PLEKHG2: variants seen among roughly 807,000 people sequenced by gnomAD.
PLEKHG2 encodes the protein pleckstrin homology and RhoGEF domain containing G2.
A neutral mutation model predicts 104.4 loss-of-function variants in PLEKHG2; 71 were observed. That is an observed-to-expected ratio of 0.68 (90% confidence interval 0.56 to 0.83). The LOEUF (loss-of-function observed/expected upper bound fraction) is 0.83, where lower values mean the gene tolerates loss of function less well. Ranked by LOEUF, PLEKHG2 falls within the 40% of genes least tolerant of loss-of-function variation. The probability of loss-of-function intolerance (pLI) is 0.00; values close to 1 mark genes in which losing one functional copy is unlikely to be tolerated. For synonymous variants in PLEKHG2, 728 were observed against 737.0 expected, an observed-to-expected ratio of 0.99 and a Z score of 0.20; for missense variants, 1,730 against 1,809.4, an observed-to-expected ratio of 0.96 and a Z score of 0.80.
Position 39,417,600 on chromosome 19 carries a change from G to A in PLEKHG2, c.790G>A (p.Glu264Lys), listed in dbSNP as rs764543187. 7.4e-6 allele frequency: 12 copies of A among 1,614,146 alleles called. No homozygotes were observed. The highest frequency in any genetic ancestry group is 2.7e-5 in the African/African-American group (2 of 75,040). Reference protein sequence around the residue: ...WAEGPGTGGREMVEEAIVSMT... With the variant: ...WAEGPGTGGRKMVEEAIVSMT... ...GGAGGGCCCAGGCACTGGGGGTCGC[G>A]AGATGGTGGAGGAAGCTATTGTGTC... The change falls in exon 8 of 19, where the codon GAG becomes AAG. Residue 264 changes from glutamate (E) to lysine (K), a missense_variant. Physicochemically the swap from Glu to Lys is moderately conservative, Grantham distance 56. Transcript: ENST00000425673.
rs1423330431 is a variant in PLEKHG2 at position 39,424,455 on chromosome 19, G to A, written c.3322G>A (p.Gly1108Ser). Reference protein sequence around the residue: ...PCHLPDLQIPGTSPLPAHGSH... With the variant: ...PCHLPDLQIPSTSPLPAHGSH... ...TCACCTCCCAGACCTTCAGATTCCA[G>A]GTACCTCACCTTTGCCTGCACATGG... The change falls in exon 19 of 19, where the codon GGT (glycine) becomes AGT (serine). Residue 1108 changes from glycine (G) to serine (S), a missense_variant. Gly to Ser is a moderately conservative substitution (Grantham distance 56, BLOSUM62 0). Coordinates refer to ENST00000425673, the MANE Select transcript of PLEKHG2 (RefSeq NM_022835.3). The A allele has an allele frequency of 6.2e-7, 1 of 1,614,040 alleles. No homozygotes were observed. Among genetic ancestry groups the A allele is most frequent in the Non-Finnish European group, 8.5e-7 (1 of 1,180,018 alleles).
chr19:39,420,791 C>A lies in PLEKHG2; in HGVS notation c.1338C>A (p.Pro446=). Reference sequence around the variant, plus strand: ...AGCCTGTCCTAGAGCCCCTGACACCCCCACTTGGGTCTCCTCGACCTCGAG... The same window carrying A: ...AGCCTGTCCTAGAGCCCCTGACACCACCACTTGGGTCTCCTCGACCTCGAG... ...KSKPVLEPLT[P]PLGSPRPRDA... Residue 446 remains proline (P), a synonymous_variant, in exon 13 of 19, where the codon CCC becomes CCA. Coordinates refer to ENST00000425673, the MANE Select transcript of PLEKHG2 (RefSeq NM_022835.3). 6.2e-7 allele frequency: 1 copy of A among 1,614,178 alleles called. No homozygotes were observed.
In PLEKHG2 at chr19:39,416,546, C is replaced by G; in HGVS notation, c.547-5C>G. 1 of 1,611,258 alleles carries G rather than the reference C, an allele frequency of 6.2e-7. No individual in the cohort carries two copies. Among genetic ancestry groups the G allele is most frequent in the East Asian group, 2.2e-5 (1 of 44,692 alleles). On this transcript the variant is annotated splice_polypyrimidine_tract_variant and splice_region_variant and intron_variant, in intron 5 of 18. Coordinates refer to ENST00000425673, the MANE Select transcript of PLEKHG2 (RefSeq NM_022835.3). The surrounding 1 kb of genome is among the most constrained non-coding windows in gnomAD (Gnocchi z 4.5). The stretch of plus-strand genomic sequence containing the variant: ...GGGTCTCCCTGACTCCCATGTCACC[C>G]GCAGAGCGAGGATTTTGACATCTAC...
chr19:39,414,038 A>T (rs2078561665), intron 1 of PLEKHG2, 27 bp from the exon 2 acceptor site: 2 of 1,497,864 alleles, frequency 1.3e-6, no homozygotes, highest in Admixed American at 4.0e-5. Flanking sequence ...TGGGGTCCTG[A>T]TATCCAAGAA....
At chr19:39,421,887 G>A in intron 16 of PLEKHG2, 1 of 370,018 alleles carries the variant, frequency 2.7e-6, no homozygotes, top group East Asian at 4.6e-5. Context: ...CATTGTGGCA[G>A]GCGCCTGTAA....
Position 39,425,593 on chromosome 19 carries a change from C to G in PLEKHG2, c.*299C>G. The G allele has an allele frequency of 2.3e-6, 1 of 428,594 alleles. No homozygotes were observed. Among genetic ancestry groups the G allele is most frequent in the Middle Eastern group, 6.0e-4 (1 of 1,674 alleles). 26.5% of individuals were successfully genotyped at this position (428,594 alleles called of 1,614,324 possible). ...TGGGAAGGTCTGACACAGAACAAATCAGCGGTTCTGAAAGCTTGGGGAATC... is the reference window on the plus strand; with the variant it reads ...TGGGAAGGTCTGACACAGAACAAATGAGCGGTTCTGAAAGCTTGGGGAATC... On this transcript the variant is annotated 3_prime_UTR_variant, in exon 19 of 19. Coordinates refer to ENST00000425673, the MANE Select transcript of PLEKHG2 (RefSeq NM_022835.3).
At position 39,424,383 on chromosome 19, in the gene PLEKHG2, A is replaced by T; in HGVS notation, c.3250A>T (p.Ser1084Cys). The change falls in exon 19 of 19, where the codon AGC becomes TGC. Residue 1084 changes from serine (S) to cysteine (C), a missense_variant. Physicochemically the swap from Ser to Cys is moderately radical, Grantham distance 112. Coordinates refer to ENST00000425673, the MANE Select transcript of PLEKHG2 (RefSeq NM_022835.3). ...CCAGCCTTTGTCTTGGCATGGAAGC[A>T]GCCTGGATCCCCAGGGCCCAGGCGA... ...PIQPLSWHGS[S>C]LDPQGPGDTL... is the part of the protein sequence containing the mutation. The T allele has an allele frequency of 6.2e-7, 1 of 1,614,130 alleles. No individual in the cohort carries two copies. The highest frequency in any genetic ancestry group is 8.5e-7 in the Non-Finnish European group (1 of 1,179,998).
intron 8 of PLEKHG2, 45 bp downstream of exon 8, chr19:39,417,737 G>A (rs758976529): frequency 3.4e-5 from 54 of 1,582,730 alleles, no homozygotes; most frequent in Non-Finnish European, 4.5e-5. Context: ...GGGAGTGAGC[G>A]AGGGGGCCTT....
At chr19:39,421,439 AT>A in intron 16 of PLEKHG2, 140 bp downstream of exon 16, 1 of 1,021,704 alleles carries the variant, frequency 9.8e-7, no homozygotes, top group Admixed American at 2.0e-5. Flanking sequence ...TAATCTCAGT[AT>A]TTTGGGAGGT....
Position 39,423,663 on chromosome 19 carries a change from G to C in PLEKHG2, c.2599+10G>C, listed in dbSNP as rs201713310. The stretch of plus-strand genomic sequence containing the variant: ...GAGCAGGCAGAGCCAGGTGAGGTCC[G>C]GGTACGTGGTTGGCAGAGGTGGTCC... On this transcript the variant is annotated intron_variant, in intron 18 of 18. Coordinates refer to ENST00000425673, the MANE Select transcript of PLEKHG2 (RefSeq NM_022835.3). 7.7e-6 allele frequency: 12 copies of C among 1,552,152 alleles called. No individual in the cohort carries two copies. Among genetic ancestry groups the C allele is most frequent in the Non-Finnish European group, 1.0e-5 (12 of 1,148,324 alleles).
In PLEKHG2 at chr19:39,423,724, C is replaced by T. The variant is rs1219512190; in HGVS notation, c.2600-9C>T. 12 of 1,602,858 alleles carry T rather than the reference C, an allele frequency of 7.5e-6. No homozygotes were observed. The highest frequency in any genetic ancestry group is 5.4e-5 in the African/African-American group (4 of 74,666). ...AGTGGTCCTGACTCGATCCTCTTTT[C>T]GCATTCAGGGCTCCTGCCTGCCTTT... is the stretch of plus-strand genomic sequence containing the variant. On this transcript the variant is annotated splice_polypyrimidine_tract_variant and intron_variant, in intron 18 of 18. Transcript: ENST00000425673.
At chr19:39,418,374 T>A (rs560354242) in intron 9 of PLEKHG2, among the ~76,000 whole-genome samples, 80 of 151,598 alleles carry the variant, frequency 5.3e-4, no homozygotes, top group African/African-American at 1.9e-3. Flanking sequence ...AGGTCAGGAG[T>A]TCGAGACCAG....
chr19:39,418,698 G>T, intron 9 of PLEKHG2, 36 bp from the exon 10 acceptor site: 1 of 1,557,726 alleles, frequency 6.4e-7, no homozygotes, highest in South Asian at 1.1e-5. Flanking sequence ...CTGAGCCCAA[G>T]GACTCTGAGC....
chr19:39,417,683 G>A lies in PLEKHG2; in HGVS notation c.873G>A (p.Ala291=), dbSNP rs772061689. 3.5e-5 allele frequency: 56 copies of A among 1,612,706 alleles called. No homozygotes were observed. Among genetic ancestry groups the A allele is most frequent in the Non-Finnish European group, 1.8e-5 (21 of 1,179,758 alleles). ...TGAAGCGCAAGCAGGAGCATGCAGC[G>A]CGCCTCCAGGTGGCCCCAGGGTGGG... ...NDMKRKQEHA[A]RLQEVQRRLG... is the part of the protein sequence containing the mutation. Residue 291 remains alanine (A), a synonymous_variant, in exon 8 of 19, where the codon GCG becomes GCA. Transcript: ENST00000425673.
intron 13 of PLEKHG2, 43 bp downstream of exon 13, chr19:39,420,895 T>A (rs773646622): frequency 4.3e-6 from 7 of 1,613,856 alleles, no homozygotes; most frequent in Non-Finnish European, 5.1e-6. Flanking sequence ...CAGCCCCACT[T>A]CCCTAGGACC....
At position 39,413,533 on chromosome 19, in the gene PLEKHG2, G is replaced by A. The variant is rs1600641474; in HGVS notation, c.-23+121G>A. On this transcript the variant is annotated intron_variant, in intron 1 of 18. Transcript: ENST00000425673. The surrounding 1 kb of genome is among the most constrained non-coding windows in gnomAD (Gnocchi z 4.5). ...CGCCGGCGGGAGTTGGGGGCTGGAG[G>A]GGTGTGGGAAGGCGCTGGGGAGGCT... 1 of 152,354 alleles carries A rather than the reference G, an allele frequency of 6.6e-6. No individual in the cohort carries two copies. The highest frequency in any genetic ancestry group is 2.1e-4 in the South Asian group (1 of 4,874). The allele number at this position is 152,354 out of a possible 1,614,324, so 9.4% of individuals were successfully genotyped here.
chr19:39,423,924 C>T lies in PLEKHG2; in HGVS notation c.2791C>T (p.His931Tyr), dbSNP rs780575264. The T allele has an allele frequency of 2.5e-6, 4 of 1,614,096 alleles. No individual in the cohort carries two copies. Among genetic ancestry groups the T allele is most frequent in the Non-Finnish European group, 3.4e-6 (4 of 1,180,030 alleles). Residue 931 changes from histidine to tyrosine, a missense_variant, in exon 19 of 19, where the codon CAC becomes TAC. Physicochemically the swap from His to Tyr is moderately conservative, Grantham distance 83. Coordinates refer to ENST00000425673, the MANE Select transcript of PLEKHG2 (RefSeq NM_022835.3). ...NLPKQDLPGI[H>Y]VSAATLLPEQ... ...GCCTAAGCAAGACCTTCCGGGCATC[C>T]ACGTTTCAGCTGCTACCCTTTTGCC... is the stretch of plus-strand genomic sequence containing the variant.
At position 39,415,191 on chromosome 19, in the gene PLEKHG2, G is replaced by T; in HGVS notation, c.309G>T (p.Leu103=). ...CAGGTTCAGCCAGACCCTCAAGGCT[G>T]GAGCGTGTGGCCCGGGAGATCGTGG... ...GIPGSARPSR[L]ERVAREIVET... Residue 103 remains leucine (L), a synonymous_variant, in exon 3 of 19, where the codon CTG becomes CTT. Transcript: ENST00000425673. This position sits in a 1 kb window ranked among gnomAD's most constrained non-coding sequence, Gnocchi z 4.6. 6.3e-7 allele frequency: 1 copy of T among 1,589,610 alleles called. No homozygotes were observed. The highest frequency in any genetic ancestry group is 8.6e-7 in the Non-Finnish European group (1 of 1,167,222).
At chr19:39,420,516 C>A in intron 11 of PLEKHG2, 110 bp from the exon 12 acceptor site, 2 of 1,437,672 alleles carry the variant, frequency 1.4e-6, no homozygotes, top group South Asian at 1.2e-5. Context: ...AGAGCAAGAT[C>A]TAAAAACAAA....
Sources: allele counts gnomAD v4.1 joint callset (sites outside exome capture counted in the v4.1 genomes callset), GRCh38; gene constraint gnomAD v4.1.1; non-coding constraint Gnocchi (gnomAD v3.1); transcripts MANE v1.5; gene names NCBI Gene and HGNC (gene_info 2026-07-23, HGNC 2026-07-21).